CACNA2D3: variants seen among roughly 807,000 people sequenced by gnomAD.
CACNA2D3 encodes the protein calcium voltage-gated channel auxiliary subunit alpha2delta 3.
A neutral mutation model predicts 160.6 loss-of-function variants in CACNA2D3; 60 were observed. The observed-to-expected ratio is 0.37, with a 90% CI of 0.30 to 0.46. CACNA2D3 has a LOEUF of 0.46. Ranked by LOEUF, CACNA2D3 falls within the 20% of genes least tolerant of loss-of-function variation. CACNA2D3 has a pLI of 1.00. For synonymous variants in CACNA2D3, 558 were observed against 492.9 expected, an observed-to-expected ratio of 1.13 and a Z score of -1.75; for missense variants, 1,205 against 1,365.0, an observed-to-expected ratio of 0.88 and a Z score of 1.85.
chr3:54,668,048 T>A (rs960669083), intron 11 of CACNA2D3, among the ~76,000 whole-genome samples: 2 of 152,156 alleles, frequency 1.3e-5, no homozygotes, highest in African/African-American at 4.8e-5. Flanking sequence ...TATTCCGAAA[T>A]TCAGAAGGCT....
intron 11 of CACNA2D3, among the ~76,000 whole-genome samples, chr3:54,683,824 T>C (rs186511949): frequency 2.4e-4 from 36 of 152,274 alleles, no homozygotes; most frequent in African/African-American, 7.2e-4. Context: ...GAGAAGAGTT[T>C]GTTCCATGCA....
intron 33 of CACNA2D3, among the ~76,000 whole-genome samples, chr3:55,008,886 TATACAC>T (rs954839604): frequency 5.6e-5 from 3 of 53,292 alleles, no homozygotes; most frequent in South Asian, 6.6e-4. Flanking sequence ...CACCTCCCTC[TATACAC>T]ACACACACAC....
intron 3 of CACNA2D3, among the ~76,000 whole-genome samples, chr3:54,352,029 A>T (rs1698573573): frequency 1.3e-5 from 2 of 152,090 alleles, no homozygotes; most frequent in African/African-American, 2.4e-5. Flanking sequence ...GTTTTTGATG[A>T]CCTGTACTGC....
rs147461363 is a variant in CACNA2D3, at chr3:54,990,407, C to T, written c.2690+2654C>T. Among the ~76,000 whole-genome samples the T allele has an allele frequency of 3.0e-3, 462 of 152,150 alleles. 4 individuals carry two copies. Among genetic ancestry groups the T allele is most frequent in the African/African-American group, 0.01 (429 of 41,528 alleles). Reference sequence around the variant, plus strand: ...TTAGCTGGGCATGGTGGTGTGTGCCCATAATCCTAGCTAATTGGGAGGCTG... The same window carrying T: ...TTAGCTGGGCATGGTGGTGTGTGCCTATAATCCTAGCTAATTGGGAGGCTG... On this transcript the variant is annotated intron_variant, in intron 31 of 37. Coordinates refer to ENST00000474759, the MANE Select transcript of CACNA2D3 (RefSeq NM_018398.3).
chr3:54,802,807 C>T (rs111445630), intron 13 of CACNA2D3, among the ~76,000 whole-genome samples: 1 of 152,168 alleles, frequency 6.6e-6, no homozygotes, highest in African/African-American at 2.4e-5. Context: ...GGAGGCACCC[C>T]CCCAGTAGGG....
intron 17 of CACNA2D3, among the ~76,000 whole-genome samples, chr3:54,864,323 G>T (rs1476746142): frequency 6.6e-6 from 1 of 151,614 alleles, no homozygotes; most frequent in Non-Finnish European, 1.5e-5. Context: ...GCCCAGGCTG[G>T]AGTGCGGTGG....
chr3:54,189,739 G>A (rs2107334557), intron 2 of CACNA2D3, among the ~76,000 whole-genome samples: 1 of 152,318 alleles, frequency 6.6e-6, no homozygotes, highest in African/African-American at 2.4e-5. Flanking sequence ...CCATTCACCA[G>A]AGGCCTGATC....
intron 4 of CACNA2D3, among the ~76,000 whole-genome samples, chr3:54,435,831 C>A (rs1336861268): frequency 2.6e-5 from 4 of 152,128 alleles, no homozygotes; most frequent in Non-Finnish European, 4.4e-5. Context: ...GAAGCAATTA[C>A]AAATTCTCTG....
At chr3:54,585,248 G>A (rs1353829743) in intron 9 of CACNA2D3, among the ~76,000 whole-genome samples, 2 of 152,140 alleles carry the variant, frequency 1.3e-5, no homozygotes, top group South Asian at 2.1e-4. Flanking sequence ...AGTGTGAAGG[G>A]TAAAGGGACC....
Position 55,051,212 on chromosome 3 carries a change from GT to G in CACNA2D3, c.2988-22227del, listed in dbSNP as rs1704199120. On this transcript the variant is annotated intron_variant, in intron 35 of 37. Coordinates refer to ENST00000474759, the MANE Select transcript of CACNA2D3 (RefSeq NM_018398.3). ...TTAGAATTTCCAGTTTTTCTGCTCT[GT>G]TTTTTCCCCATCTTTGTGGTTTTAT... is the stretch of plus-strand genomic sequence containing the variant. Among the ~76,000 whole-genome samples, 6 of 152,286 alleles carry G rather than the reference GT, an allele frequency of 3.9e-5. No individual in the cohort carries two copies. In the South Asian group the frequency reaches 1.2e-3, roughly 32 times the overall value.
At chr3:54,517,899 A>G (rs1011453553) in intron 5 of CACNA2D3, among the ~76,000 whole-genome samples, 8 of 152,068 alleles carry the variant, frequency 5.3e-5, no homozygotes, top group Non-Finnish European at 1.2e-4. Context: ...GGGCTGAGGT[A>G]CGAGCCTAAA....
intron 29 of CACNA2D3, among the ~76,000 whole-genome samples, chr3:54,982,146 T>C (rs1301288190): frequency 6.6e-6 from 1 of 152,168 alleles, no homozygotes; most frequent in East Asian, 1.9e-4. Flanking sequence ...CTGTCACCCA[T>C]AGCCCTTAGC....
chr3:54,213,757 A>G (rs1701417895), intron 2 of CACNA2D3, among the ~76,000 whole-genome samples: 1 of 152,208 alleles, frequency 6.6e-6, no homozygotes, highest in African/African-American at 2.4e-5. Flanking sequence ...AAATATGGGG[A>G]TTCATAATGC....
intron 27 of CACNA2D3, among the ~76,000 whole-genome samples, chr3:54,901,513 A>T (rs17319169): frequency 6.6e-6 from 1 of 152,078 alleles, no homozygotes; most frequent in African/African-American, 2.4e-5. Context: ...ATGCTATGCC[A>T]GTCTATTGTC....
chr3:54,873,970 A>G (rs1300849306), intron 18 of CACNA2D3, among the ~76,000 whole-genome samples: 1 of 152,162 alleles, frequency 6.6e-6, no homozygotes, highest in Non-Finnish European at 1.5e-5. Flanking sequence ...GTAGCAGAGG[A>G]CAGGGTTTAG....
intron 2 of CACNA2D3, among the ~76,000 whole-genome samples, chr3:54,126,048 A>G (rs758267494): frequency 6.6e-6 from 1 of 152,186 alleles, no homozygotes; most frequent in Non-Finnish European, 1.5e-5. Flanking sequence ...ATAGAGTGTA[A>G]TTGCTCTTTT....
intron 27 of CACNA2D3, among the ~76,000 whole-genome samples, chr3:54,963,740 C>G (rs909120865): frequency 6.6e-6 from 1 of 152,182 alleles, no homozygotes; most frequent in Non-Finnish European, 1.5e-5. Flanking sequence ...GATTTGACTG[C>G]CCTCCCCAGG....
At chr3:54,528,095 G>A (rs994765816) in intron 5 of CACNA2D3, among the ~76,000 whole-genome samples, 5 of 152,126 alleles carry the variant, frequency 3.3e-5, no homozygotes, top group Admixed American at 3.3e-4. Context: ...TCCACGCTGT[G>A]GGAAATCAGA....
At chr3:54,919,955 T>C (rs1011624032) in intron 27 of CACNA2D3, among the ~76,000 whole-genome samples, 6 of 152,020 alleles carry the variant, frequency 3.9e-5, no homozygotes, top group African/African-American at 1.5e-4. Flanking sequence ...GTCAGAGGAG[T>C]GGGCAGGATG....
Sources: gnomAD v4.1 joint callset for allele counts (sites outside exome capture counted in the v4.1 genomes callset) on GRCh38, gnomAD v4.1.1 for gene constraint, MANE v1.5 for transcripts, NCBI Gene and HGNC (gene_info 2026-07-23, HGNC 2026-07-21) for gene names.